The following ARMC9 variants were observed in gnomAD, a reference collection of about 807,000 sequenced individuals.
ARMC9 encodes the protein lisH domain-containing protein ARMC9.
A neutral mutation model predicts 107.0 loss-of-function variants in ARMC9; 94 were observed. The ratio of observed to expected loss-of-function variants is 0.88; its 90% confidence interval spans 0.74 to 1.04. ARMC9 has a LOEUF of 1.04. Among genes scored for constraint, ARMC9 ranks in the 50% least tolerant of loss-of-function variants. The pLI is 0.00. For synonymous variants in ARMC9, 380 were observed against 396.9 expected, an observed-to-expected ratio of 0.96 and a Z score of 0.51; for missense variants, 942 against 1,030.1, an observed-to-expected ratio of 0.91 and a Z score of 1.17.
chr2:231,275,752 G>A (rs2039698647), intron 14 of ARMC9, among the ~76,000 whole-genome samples: 2 of 152,158 alleles, frequency 1.3e-5, no homozygotes, highest in African/African-American at 4.8e-5. Flanking sequence ...TTGGGAGTTC[G>A]AGACCAGCCT....
chr2:231,228,870 C>T (rs946270323), intron 7 of ARMC9, among the ~76,000 whole-genome samples: 5 of 152,084 alleles, frequency 3.3e-5, no homozygotes, highest in African/African-American at 9.7e-5. Context: ...TGAGTTTCTG[C>T]AGCTCATGTC....
rs916738303 is a variant in ARMC9 at position 231,375,075 on chromosome 2, T to C, written c.*3540T>C. Among the ~76,000 whole-genome samples the C allele has an allele frequency of 6.6e-6, 1 of 152,226 alleles. No individual in the cohort carries two copies. Among genetic ancestry groups the C allele is most frequent in the African/African-American group, 2.4e-5 (1 of 41,450 alleles). On this transcript the variant is annotated 3_prime_UTR_variant, in exon 25 of 25. Coordinates refer to ENST00000611582, the MANE Select transcript of ARMC9 (RefSeq NM_001352754.2). This position sits in a 1 kb window ranked among gnomAD's most constrained non-coding sequence, Gnocchi z 4.3. ...ATATTAACAAACTACCTCTGAAACT[T>C]AGTGGCTTAAACCAACAAATGTATT...
chr2:231,276,222 A>G (rs769432619), intron 14 of ARMC9, among the ~76,000 whole-genome samples: 5 of 151,446 alleles, frequency 3.3e-5, no homozygotes, highest in Non-Finnish European at 5.9e-5. Flanking sequence ...CTCAGAGTCT[A>G]TGTCTTCTGT....
chr2:231,292,738 C>A (rs1216768149), intron 18 of ARMC9, among the ~76,000 whole-genome samples: 1 of 152,196 alleles, frequency 6.6e-6, no homozygotes, highest in African/African-American at 2.4e-5. Flanking sequence ...AGTCCACATC[C>A]CTGCAAGTCA....
chr2:231,239,124 A>C (rs1032699130), intron 8 of ARMC9, among the ~76,000 whole-genome samples: 1 of 152,212 alleles, frequency 6.6e-6, no homozygotes, highest in African/African-American at 2.4e-5. Flanking sequence ...ACTTTTTAAT[A>C]GTCATTATCC....
chr2:231,235,767 C>T (rs1427858883), intron 8 of ARMC9, among the ~76,000 whole-genome samples: 3 of 152,088 alleles, frequency 2.0e-5, no homozygotes, highest in African/African-American at 4.8e-5. Context: ...CTCAGCCTCC[C>T]GAGTAGCTGG....
chr2:231,299,743 A>G (rs2041608564), intron 19 of ARMC9, among the ~76,000 whole-genome samples: 1 of 152,188 alleles, frequency 6.6e-6, no homozygotes, highest in Non-Finnish European at 1.5e-5. Context: ...GGAACATTCA[A>G]GGCAGGAAGA....
chr2:231,352,205 T>A (rs1406194580), intron 21 of ARMC9, among the ~76,000 whole-genome samples: 1 of 151,970 alleles, frequency 6.6e-6, no homozygotes, highest in East Asian at 1.9e-4. Context: ...CAAGCAATCC[T>A]CCTACCTCAG....
At position 231,290,149 on chromosome 2, in the gene ARMC9, A is replaced by G. The variant is rs1574965922; in HGVS notation, c.1627-1204A>G. ...CTTTTAAAAATTTCAAGTCAACTCA[A>G]ATTGTTATCCTCATGTTTATAGTTG... On this transcript the variant is annotated intron_variant, in intron 17 of 24. Coordinates refer to ENST00000611582, the MANE Select transcript of ARMC9 (RefSeq NM_001352754.2). Among the ~76,000 whole-genome samples the G allele has an allele frequency of 2.0e-5, 3 of 152,320 alleles. No homozygotes were observed. The South Asian group carries it at 6.2e-4, about 32-fold the overall frequency.
chr2:231,279,100 A>G (rs1157465706), intron 16 of ARMC9, among the ~76,000 whole-genome samples: 3 of 152,136 alleles, frequency 2.0e-5, no homozygotes, highest in Non-Finnish European at 4.4e-5. Context: ...GCTTCCAGGG[A>G]TGTGTAGACA....
At chr2:231,205,472 T>C (rs951808363) in intron 1 of ARMC9, among the ~76,000 whole-genome samples, 5 of 152,316 alleles carry the variant, frequency 3.3e-5, no homozygotes, top group South Asian at 2.1e-4. Context: ...GTGAATGGCA[T>C]GGTTAACATT....
chr2:231,271,325 T>G (rs1466646272), intron 13 of ARMC9, among the ~76,000 whole-genome samples: 3 of 152,270 alleles, frequency 2.0e-5, no homozygotes, highest in Non-Finnish European at 4.4e-5. Flanking sequence ...TTTCTGGTTT[T>G]GTAACATAGT....
chr2:231,302,531 G>A (rs182176847), intron 19 of ARMC9, among the ~76,000 whole-genome samples: 4 of 125,904 alleles, frequency 3.2e-5, no homozygotes, highest in Non-Finnish European at 6.3e-5. Context: ...GTCATATGTT[G>A]TTTTGATTGA....
intron 17 of ARMC9, chr2:231,288,681 G>T: frequency 2.1e-6 from 1 of 471,156 alleles, no homozygotes; most frequent in South Asian, 1.5e-5. Flanking sequence ...GAGTGACTGC[G>T]GTTGTGCCCA....
chr2:231,214,222 C>A (rs2033234979), intron 3 of ARMC9, among the ~76,000 whole-genome samples: 1 of 152,252 alleles, frequency 6.6e-6, no homozygotes, highest in Non-Finnish European at 1.5e-5. Flanking sequence ...GTCGCTGCAG[C>A]TGCAGCTGGC....
rs116420247 is a variant in ARMC9, at chr2:231,348,904, A to G, written c.1994+3814A>G. ...GAGATACCCTCTCACCCCCGTTAAAACGGCTTATCTCCAAAAGTCAGGCAA... is the reference window on the plus strand; with the variant it reads ...GAGATACCCTCTCACCCCCGTTAAAGCGGCTTATCTCCAAAAGTCAGGCAA... On this transcript the variant is annotated intron_variant, in intron 21 of 24. Coordinates refer to ENST00000611582, the MANE Select transcript of ARMC9 (RefSeq NM_001352754.2). Among the ~76,000 whole-genome samples the G allele has an allele frequency of 7.8e-3, 1,188 of 152,258 alleles. 9 individuals carry two copies. Among genetic ancestry groups the G allele is most frequent in the Non-Finnish European group, 0.013 (913 of 68,030 alleles).
At position 231,278,472 on chromosome 2, in the gene ARMC9, AC is replaced by A. The variant is rs750368513; in HGVS notation, c.1551+15del. ...GAAAACCATGAGGTACTCATTCAGC[AC>A]TGCTGGCCCTGGGCTCGGGGAGGCT... On this transcript the variant is annotated intron_variant, in intron 16 of 24. Transcript: ENST00000611582. 1 of 1,613,268 alleles carries A rather than the reference AC, an allele frequency of 6.2e-7. No individual in the cohort carries two copies. Among genetic ancestry groups the A allele is most frequent in the South Asian group, 1.1e-5 (1 of 91,026 alleles).
Position 231,290,950 on chromosome 2 carries a change from GTTT to G in ARMC9, c.1627-388_1627-386del, listed in dbSNP as rs58962746. On this transcript the variant is annotated intron_variant, in intron 17 of 24. Coordinates refer to ENST00000611582, the MANE Select transcript of ARMC9 (RefSeq NM_001352754.2). ...TATTGTGCAGTAAAATTTTACAATA[GTTT>G]TTTTTTTTTTTTTTGCTAAATGTGT... 4.8e-3 allele frequency among the ~76,000 whole-genome samples: 650 copies of G among 135,266 alleles called. 2 individuals are homozygous for G. Among genetic ancestry groups the G allele is most frequent in the Non-Finnish European group, 6.0e-3 (372 of 62,224 alleles). 88.7% of individuals were successfully genotyped at this position (135,266 alleles called of 152,430 possible).
chr2:231,360,854 C>G lies in ARMC9; in HGVS notation c.2232C>G (p.Pro744=). The change falls in exon 23 of 25, where the codon CCC becomes CCG. Residue 744 remains proline (P), a synonymous_variant. Transcript: ENST00000611582. This position sits in a 1 kb window ranked among gnomAD's most constrained non-coding sequence, Gnocchi z 4.7. ...TGTPRQPREA[P]QDPGNGVTTR... is the part of the protein sequence containing the mutation. Reference sequence around the variant, plus strand: ...CCCCCCGCCAGCCAAGGGAGGCGCCCCAGGACCCAGGCAATGGAGTGACCA... The same window carrying G: ...CCCCCCGCCAGCCAAGGGAGGCGCCGCAGGACCCAGGCAATGGAGTGACCA... The G allele has an allele frequency of 6.5e-7, 1 of 1,534,966 alleles. No homozygotes were observed. Among genetic ancestry groups the G allele is most frequent in the Non-Finnish European group, 8.7e-7 (1 of 1,146,324 alleles).
Sources: allele counts gnomAD v4.1 joint callset (sites outside exome capture counted in the v4.1 genomes callset), GRCh38; gene constraint gnomAD v4.1.1; non-coding constraint Gnocchi (gnomAD v3.1); transcripts MANE v1.5; gene names NCBI Gene and HGNC (gene_info 2026-07-23, HGNC 2026-07-21).